Variants in PALLD observed in about 807,000 individuals in gnomAD.
PALLD encodes palladin, cytoskeletal associated protein, also known as palladin.
Under a neutral mutation model 123.5 loss-of-function variants are expected in PALLD, and 61 were observed. The ratio of observed to expected loss-of-function variants is 0.49; its 90% confidence interval spans 0.40 to 0.61. The LOEUF (loss-of-function observed/expected upper bound fraction) is 0.61. Ranked by LOEUF, PALLD falls within the 20% of genes least tolerant of loss-of-function variation. PALLD has a pLI of 0.00. For synonymous variants in PALLD, 465 were observed against 496.4 expected (o/e 0.94, Z 0.84); for missense variants, 1,273 against 1,377.0 (o/e 0.92, Z 1.20).
intron 2 of PALLD, among the ~76,000 whole-genome samples, chr4:168,609,085 A>G (rs1209378925): frequency 6.6e-6 from 1 of 152,148 alleles, no homozygotes; most frequent in African/African-American, 2.4e-5. Flanking sequence ...GAATTTCAGC[A>G]GCAGGACTCA....
At chr4:168,706,008 G>T (rs1022356029) in intron 8 of PALLD, among the ~76,000 whole-genome samples, 1 of 151,898 alleles carries the variant, frequency 6.6e-6, no homozygotes, top group Non-Finnish European at 1.5e-5. Context: ...TTTTATTATG[G>T]TTAAAGAAAC....
chr4:168,536,964 A>C (rs1470108279), intron 2 of PALLD, among the ~76,000 whole-genome samples: 2 of 151,738 alleles, frequency 1.3e-5, no homozygotes, highest in Non-Finnish European at 2.9e-5. Context: ...AGTAGCTGGG[A>C]CTATAGGCGC....
chr4:168,752,533 GGGTACTAAGATGATTCTA>G (rs1341123560), intron 10 of PALLD, among the ~76,000 whole-genome samples: 2 of 152,142 alleles, frequency 1.3e-5, no homozygotes, highest in African/African-American at 4.8e-5. Flanking sequence ...GCAGGAGTGC[GGGTACTAAGATGATTCTA>G]GATTTGTACC....
chr4:168,547,783 T>C (rs1337126402), intron 2 of PALLD, among the ~76,000 whole-genome samples: 1 of 151,350 alleles, frequency 6.6e-6, no homozygotes, highest in African/African-American at 2.4e-5. Context: ...CCATCTCTAT[T>C]AAAAATACAA....
chr4:168,829,726 G>T (rs998007006), intron 10 of PALLD, among the ~76,000 whole-genome samples: 1 of 152,166 alleles, frequency 6.6e-6, no homozygotes, highest in Non-Finnish European at 1.5e-5. Flanking sequence ...TGACATGGGC[G>T]TAAACAAGCT....
At chr4:168,576,762 G>A (rs1272011854) in intron 2 of PALLD, among the ~76,000 whole-genome samples, 1 of 152,144 alleles carries the variant, frequency 6.6e-6, no homozygotes, top group African/African-American at 2.4e-5. Flanking sequence ...TAATGGGATT[G>A]CTGGGTCAAA....
intron 2 of PALLD, among the ~76,000 whole-genome samples, chr4:168,546,597 T>C (rs1273552079): frequency 2.0e-5 from 3 of 152,132 alleles, no homozygotes; most frequent in Admixed American, 1.3e-4. Flanking sequence ...TGAAAATTCA[T>C]AGACATCCTG....
chr4:168,667,766 G>T (rs1249056819), intron 2 of PALLD, among the ~76,000 whole-genome samples: 1 of 151,658 alleles, frequency 6.6e-6, no homozygotes, highest in Non-Finnish European at 1.5e-5. Flanking sequence ...TTTTTAACAT[G>T]ATGATAAGTT....
chr4:168,684,562 A>T (rs28593018), intron 5 of PALLD, among the ~76,000 whole-genome samples: 2,057 of 152,312 alleles, frequency 0.014, 45 homozygotes, highest in African/African-American at 0.047. Context: ...TGTCCTGAAG[A>T]TCCAGTGAGT....
At chr4:168,821,408 T>A (rs144002079) in intron 10 of PALLD, among the ~76,000 whole-genome samples, 59 of 151,622 alleles carry the variant, frequency 3.9e-4, no homozygotes, top group African/African-American at 1.3e-3. Context: ...ACTAAGGTAT[T>A]TTTTTTTTCA....
chr4:168,774,166 T>G (rs191779146), intron 10 of PALLD, among the ~76,000 whole-genome samples: 1 of 151,970 alleles, frequency 6.6e-6, no homozygotes, highest in Non-Finnish European at 1.5e-5. Flanking sequence ...ATAATTTGTA[T>G]ATATAATGAA....
At chr4:168,663,015 T>G (rs1449054491) in intron 2 of PALLD, among the ~76,000 whole-genome samples, 1 of 152,214 alleles carries the variant, frequency 6.6e-6, no homozygotes, top group Non-Finnish European at 1.5e-5. Context: ...TTGGTGAAAG[T>G]CTATAAGCCT....
At chr4:168,761,652 T>TG (rs1561493792) in intron 10 of PALLD, among the ~76,000 whole-genome samples, 10 of 36,974 alleles carry the variant, frequency 2.7e-4, no homozygotes, top group African/African-American at 9.6e-4. Flanking sequence ...TTTGTTTTTT[T>TG]TTTTTTTTTT....
chr4:168,512,269 C>T lies in PALLD; in HGVS notation c.765C>T (p.Arg255=). 1 of 1,614,156 alleles carries T rather than the reference C, an allele frequency of 6.2e-7. No individual in the cohort carries two copies. Residue 255 remains arginine, a synonymous_variant, in exon 2 of 22, where the codon CGC becomes CGT. Coordinates refer to ENST00000505667, the MANE Select transcript of PALLD (RefSeq NM_001166108.2). ...AGGACTTGGCAGTGCCACACAACCG[C>T]AAGTCTCACCCACAGCCCCACAGCG... ...DNQDLAVPHN[R]KSHPQPHSAL... is the part of the protein sequence containing the mutation.
At chr4:168,549,027 A>C (rs1766458219) in intron 2 of PALLD, among the ~76,000 whole-genome samples, 1 of 152,134 alleles carries the variant, frequency 6.6e-6, no homozygotes, top group South Asian at 2.1e-4. Flanking sequence ...TCTCTAAAAA[A>C]GAAAGAAAGA....
At chr4:168,906,186 G>T (rs1020571823) in intron 15 of PALLD, among the ~76,000 whole-genome samples, 1 of 151,966 alleles carries the variant, frequency 6.6e-6, no homozygotes, top group Non-Finnish European at 1.5e-5. Context: ...AATTATCTGT[G>T]GTCCTTACGT....
chr4:168,582,405 G>A (rs1770381185), intron 2 of PALLD, among the ~76,000 whole-genome samples: 1 of 152,014 alleles, frequency 6.6e-6, no homozygotes, highest in South Asian at 2.1e-4. Context: ...CAGATCATCT[G>A]TGAACAGAGA....
At chr4:168,586,912 G>A (rs1345403774) in intron 2 of PALLD, among the ~76,000 whole-genome samples, 1 of 152,110 alleles carries the variant, frequency 6.6e-6, no homozygotes, top group East Asian at 1.9e-4. Flanking sequence ...CATAGCTAGG[G>A]GTACCATGCG....
intron 10 of PALLD, among the ~76,000 whole-genome samples, chr4:168,804,638 G>A (rs1739875154): frequency 1.3e-5 from 2 of 152,140 alleles, no homozygotes; most frequent in Admixed American, 6.5e-5. Context: ...ATTTTCAGAG[G>A]CATGTACCCA....
Sources: allele counts gnomAD v4.1 joint callset (sites outside exome capture counted in the v4.1 genomes callset), GRCh38; gene constraint gnomAD v4.1.1; transcripts MANE v1.5; gene names NCBI Gene and HGNC (gene_info 2026-07-23, HGNC 2026-07-21).